The following TF variants were observed in gnomAD, a reference collection of about 807,000 sequenced individuals.
TF encodes transferrin.
TF carries 55 observed loss-of-function variants against 82.4 expected under a neutral mutation model. The ratio of observed to expected loss-of-function variants is 0.67; its 90% CI spans 0.54 to 0.84. The LOEUF (loss-of-function observed/expected upper bound fraction) is 0.84. Among genes scored for constraint, TF ranks in the 40% least tolerant of loss-of-function variants. TF has a pLI of 0.00. For synonymous variants in TF, 332 were observed against 332.6 expected (o/e 1.00, Z 0.02); for missense variants, 737 against 868.4 (o/e 0.85, Z 1.90).
rs757574915 is a variant in TF at position 133,759,394 on chromosome 3, G to A, written c.1203+65G>A. 6.9e-6 allele frequency: 11 copies of A among 1,594,140 alleles called. No homozygotes were observed. The South Asian group carries it at 8.8e-5, about 13-fold the overall frequency. On this transcript the variant is annotated intron_variant, in intron 9 of 16. Coordinates refer to ENST00000402696, the MANE Select transcript of TF (RefSeq NM_001063.4). ...TTGCTGCCTGCTGGCCCCCAAGACT[G>A]AGCTAGGGAGTGTTCCTGGGAATGA...
chr3:133,746,186 C>T (rs1933492367), upstream of TF: 2 of 586,286 alleles, frequency 3.4e-6, no homozygotes, highest in African/African-American at 3.7e-5. Context: ...ATGTCCCTTC[C>T]CATCAACATT....
At chr3:133,716,695 A>G in the TF span, among the ~76,000 whole-genome samples, 1 of 152,206 alleles carries the variant, frequency 6.6e-6, no homozygotes, top group Non-Finnish European at 1.5e-5. Context: ...AACTTAAAGC[A>G]TTACATTAAT....
chr3:133,766,525 G>C, intron 12 of TF, 92 bp downstream of exon 12: 2 of 1,555,952 alleles, frequency 1.3e-6, no homozygotes, highest in Non-Finnish European at 1.8e-6. Flanking sequence ...AAGGTGCTGT[G>C]GGCTCTGGTT....
the TF span, chr3:133,701,266 A>C: frequency 1.1e-4 from 16 of 152,204 alleles, no homozygotes; most frequent in Non-Finnish European, 1.8e-4. Context: ...ACTTGAAGAC[A>C]TGATTGCCCT....
chr3:133,680,681 G>A, the TF span, among the ~76,000 whole-genome samples: 28 of 152,246 alleles, frequency 1.8e-4, no homozygotes, highest in East Asian at 1.2e-3. Context: ...TACTACTGAA[G>A]ATGTTTTCAA....
intron 4 of TF, 30 bp from the exon 5 acceptor site, chr3:133,755,333 C>T (rs1163316432): frequency 1.2e-6 from 2 of 1,614,132 alleles, no homozygotes; most frequent in Admixed American, 3.3e-5. Flanking sequence ...CTCACTCATG[C>T]TCTGTTGTCC....
In TF at chr3:133,756,936, C is replaced by T. The variant is rs752061958; in HGVS notation, c.797C>T (p.Pro266Leu). ...AAGGACTGCCACTTGGCCCAGGTCCCTTCTCATACCGTCGTGGCCCGAAGT... is the reference window on the plus strand; with the variant it reads ...AAGGACTGCCACTTGGCCCAGGTCCTTTCTCATACCGTCGTGGCCCGAAGT... ...EYKDCHLAQV[P>L]SHTVVARSMG... Residue 266 changes from proline to leucine, a missense_variant, in exon 7 of 17, where the codon CCT becomes CTT. By Grantham distance (98) the Pro-to-Leu change is moderately conservative (BLOSUM62 -3). Coordinates refer to ENST00000402696, the MANE Select transcript of TF (RefSeq NM_001063.4). 11 of 1,614,050 alleles carry T rather than the reference C, an allele frequency of 6.8e-6. No homozygotes were observed. Among genetic ancestry groups the T allele is most frequent in the African/African-American group, 1.3e-5 (1 of 74,934 alleles).
the TF span, among the ~76,000 whole-genome samples, chr3:133,670,379 C>T: frequency 2.6e-5 from 4 of 152,216 alleles, no homozygotes; most frequent in Non-Finnish European, 5.9e-5. Context: ...TTCCACCATA[C>T]AAGCATCTAA....
rs529613165 is a variant in TF at position 133,749,240 on chromosome 3, G to A, written c.216+656G>A. Among the ~76,000 whole-genome samples the A allele has an allele frequency of 3.9e-5, 6 of 152,312 alleles. No homozygotes were observed. In the East Asian group the frequency reaches 1.2e-3, roughly 29 times the overall value. ...TTGGCAGCTTTTGATACACAACTGG[G>A]AAGATGAGTGATGCATGCAGGGGGA... On this transcript the variant is annotated intron_variant, in intron 2 of 16. Transcript: ENST00000402696.
chr3:133,755,513 T>G lies in TF; in HGVS notation c.635+18T>G. On this transcript the variant is annotated intron_variant, in intron 5 of 16. Transcript: ENST00000402696. The stretch of plus-strand genomic sequence containing the variant: ...GCCTTCAAGTGAGTGAGATGTCTGC[T>G]GCTCCATGGTGGCCAAAGTGCCAAA... The G allele has an allele frequency of 1.2e-6, 2 of 1,613,892 alleles. No individual in the cohort carries two copies. The highest frequency in any genetic ancestry group is 1.7e-6 in the Non-Finnish European group (2 of 1,180,030).
At chr3:133,666,723 C>G in the TF span, among the ~76,000 whole-genome samples, 1 of 151,832 alleles carries the variant, frequency 6.6e-6, no homozygotes, top group Non-Finnish European at 1.5e-5. Context: ...TGTTTGCAAA[C>G]AAAAATAAAG....
the TF span, among the ~76,000 whole-genome samples, chr3:133,689,634 T>C: frequency 6.6e-6 from 1 of 152,130 alleles, no homozygotes; most frequent in African/African-American, 2.4e-5. Context: ...CCTAAAACTA[T>C]ACCATATTTA....
the TF span, chr3:133,700,886 A>G: frequency 6.6e-6 from 1 of 152,666 alleles, no homozygotes; most frequent in Admixed American, 6.5e-5. Context: ...GAACAGGAAC[A>G]TTTTGGAAAA....
the TF span, among the ~76,000 whole-genome samples, chr3:133,738,933 T>A: frequency 6.6e-6 from 1 of 152,200 alleles, no homozygotes; most frequent in East Asian, 1.9e-4. Flanking sequence ...AAGTTACCAT[T>A]AACTTTCTTC....
chr3:133,697,890 C>A, the TF span, among the ~76,000 whole-genome samples: 2 of 152,192 alleles, frequency 1.3e-5, no homozygotes, highest in African/African-American at 4.8e-5. Flanking sequence ...CCATCTGATG[C>A]AGGAGAATAG....
At position 133,786,627 on chromosome 3, in the gene TF, T is replaced by A. The variant is rs1477323685; in HGVS notation, c.*8007T>A. The A allele has an allele frequency of 6.6e-6, 1 of 152,240 alleles. No individual in the cohort carries two copies. Among genetic ancestry groups the A allele is most frequent in the Non-Finnish European group, 1.5e-5 (1 of 68,042 alleles). The allele number at this position is 152,240 out of a possible 1,614,324, so 9.4% of individuals were successfully genotyped here. On this transcript the variant is annotated 3_prime_UTR_variant, in exon 17 of 17. Transcript: ENST00000402696. ...GCTAGTGTATGACAAAAGTAGTTAGTAAACTAATATATTTTGTACATTTCG... is the reference window on the plus strand; with the variant it reads ...GCTAGTGTATGACAAAAGTAGTTAGAAAACTAATATATTTTGTACATTTCG...
At chr3:133,710,202 A>G in the TF span, 4 of 152,434 alleles carry the variant, frequency 2.6e-5, no homozygotes, top group South Asian at 2.1e-4. Context: ...AGATGCATTC[A>G]TCATTTCAGC....
At chr3:133,702,442 T>A in the TF span, among the ~76,000 whole-genome samples, 1 of 151,942 alleles carries the variant, frequency 6.6e-6, no homozygotes, top group Non-Finnish European at 1.5e-5. Flanking sequence ...GTTTATTTTT[T>A]CTGGTTATAA....
the TF span, among the ~76,000 whole-genome samples, chr3:133,738,764 A>G: frequency 6.6e-6 from 1 of 152,226 alleles, no homozygotes; most frequent in Non-Finnish European, 1.5e-5. Flanking sequence ...AAGGGATGTG[A>G]AGGACCTCTT....
Sources: allele counts gnomAD v4.1 joint callset (sites outside exome capture counted in the v4.1 genomes callset), GRCh38; gene constraint gnomAD v4.1.1; transcripts MANE v1.5; gene names NCBI Gene and HGNC (gene_info 2026-07-23, HGNC 2026-07-21).